SHANK1: variants seen among roughly 807,000 people sequenced by gnomAD.
SHANK1 encodes SH3 and multiple ankyrin repeat domains protein 1.
In SHANK1, 35 loss-of-function variants were observed where a neutral mutation model predicts 165.6. The observed-to-expected ratio is 0.21, with a 90% confidence interval of 0.16 to 0.28. The LOEUF is 0.28. Ranked by LOEUF, SHANK1 falls within the 10% of genes least tolerant of loss-of-function variation. SHANK1 has a pLI of 1.00. For missense variants in SHANK1, 2,681 were observed against 3,036.4 expected (o/e 0.88, Z 2.75); for synonymous variants, 1,428 against 1,384.8 (o/e 1.03, Z -0.69).
chr19:50,698,571 TA>T (rs1390139676), intron 12 of SHANK1, among the ~76,000 whole-genome samples: 1 of 151,808 alleles, frequency 6.6e-6, no homozygotes, highest in Non-Finnish European at 1.5e-5. Flanking sequence ...GACTGCCTGT[TA>T]CATGCCTGCT....
At chr19:50,704,597 A>C in intron 8 of SHANK1, 83 bp from the exon 9 acceptor site, 1 of 1,250,812 alleles carries the variant, frequency 8.0e-7, no homozygotes, top group South Asian at 1.2e-5. Context: ...TTCTGTGCTA[A>C]GAGCCTCAGG....
rs760814633 is a variant in SHANK1, at chr19:50,704,528, C to T, written c.1078-14G>A. ...GGCACAGGTCTCCTGCGGGTAATGG[C>T]CAGTGGCACAGGACAAAGAGAGAGA... On this transcript the variant is annotated splice_polypyrimidine_tract_variant and intron_variant, in intron 8 of 23. Transcript: ENST00000293441. 6.2e-7 allele frequency: 1 copy of T among 1,611,264 alleles called. No individual in the cohort carries two copies.
At position 50,702,154 on chromosome 19, in the gene SHANK1, C is replaced by T. The variant is rs1396870896; in HGVS notation, c.1747+313G>A. Among the ~76,000 whole-genome samples, 1 of 110,004 alleles carries T rather than the reference C, an allele frequency of 9.1e-6. No homozygotes were observed. Among genetic ancestry groups the T allele is most frequent in the Non-Finnish European group, 1.9e-5 (1 of 52,276 alleles). 72.2% of individuals were successfully genotyped at this position (110,004 alleles called of 152,430 possible). ...CTGTTCCTTCAACCATGCAATGGGG[C>T]CCATGACCTCCCTCCCCAGAAAGGG... is the stretch of plus-strand genomic sequence containing the variant. On this transcript the variant is annotated intron_variant, in intron 12 of 23. Coordinates refer to ENST00000293441, the MANE Select transcript of SHANK1 (RefSeq NM_016148.5). This position sits in a 1 kb window ranked among gnomAD's most constrained non-coding sequence, Gnocchi z 5.3.
chr19:50,668,455 C>T lies in SHANK1; in HGVS notation c.3505G>A (p.Gly1169Ser), dbSNP rs761991329. 3 of 1,334,306 alleles carry T rather than the reference C, an allele frequency of 2.2e-6. No individual in the cohort carries two copies. The highest frequency in any genetic ancestry group is 6.2e-5 in the Admixed American group (2 of 32,392). The allele number at this position is 1,334,306 out of a possible 1,614,324, so 82.7% of individuals were successfully genotyped here. A position where few individuals can be genotyped will look rare whatever the true frequency, so the allele number is the denominator to read the frequency against. ...IIKAPSTSSS[G>S]RSSQGSSTEA... ...GTGCTGCTGCCCTGGCTGCTGCGGC[C>T]GCTGCTACTGGTGGACGGGGCCTTG... Residue 1169 changes from glycine (G) to serine (S), a missense_variant, in exon 23 of 24, where the codon GGC (glycine) becomes AGC (serine). Coordinates refer to ENST00000293441, the MANE Select transcript of SHANK1 (RefSeq NM_016148.5).
intron 23 of SHANK1, among the ~76,000 whole-genome samples, chr19:50,664,313 C>CT (rs1985395413): frequency 6.6e-6 from 1 of 152,152 alleles, no homozygotes; most frequent in South Asian, 2.1e-4. Context: ...AGAAATGTAA[C>CT]TCTACTTTCT....
rs776499532 is a variant in SHANK1 at position 50,686,148 on chromosome 19, G to A, written c.2577+89C>T. 1.2e-4 allele frequency: 88 copies of A among 711,654 alleles called. No individual in the cohort carries two copies. The highest frequency in any genetic ancestry group is 1.1e-3 in the Middle Eastern group (3 of 2,714). 44.1% of individuals were successfully genotyped at this position (711,654 alleles called of 1,614,324 possible). A position where few individuals can be genotyped will look rare whatever the true frequency, so the allele number is the denominator to read the frequency against. On this transcript the variant is annotated intron_variant, in intron 21 of 23. Transcript: ENST00000293441. The surrounding 1 kb of genome is among the most constrained non-coding windows in gnomAD (Gnocchi z 5.7). ...CAGGACCAGCCTAAAGCACAGAGGC[G>A]TCAGGAGGGTTTTGGAAAGAGAAAG...
rs770977270 is a variant in SHANK1, at chr19:50,662,707, G to A, written c.5769-25C>T. 1.4e-5 allele frequency: 21 copies of A among 1,555,236 alleles called. No homozygotes were observed. The highest frequency in any genetic ancestry group is 1.8e-5 in the Non-Finnish European group (21 of 1,149,242). On this transcript the variant is annotated intron_variant, in intron 23 of 23. Transcript: ENST00000293441. This position sits in a 1 kb window ranked among gnomAD's most constrained non-coding sequence, Gnocchi z 7.7. ...TCTGGAATGTGACAAGGGGGCAGTGGGGGAGGACAGGGATTTAGGGGGCAA... is the reference window on the plus strand; with the variant it reads ...TCTGGAATGTGACAAGGGGGCAGTGAGGGAGGACAGGGATTTAGGGGGCAA...
intron 12 of SHANK1, among the ~76,000 whole-genome samples, chr19:50,699,938 G>A (rs1375738599): frequency 7.3e-6 from 1 of 137,398 alleles, no homozygotes; most frequent in Admixed American, 7.2e-5. Context: ...AGGATTGGAG[G>A]GCTCGGGGCA....
At position 50,670,977 on chromosome 19, in the gene SHANK1, AG is replaced by A. The variant is rs1198001410; in HGVS notation, c.2674+1040del. 2.0e-5 allele frequency among the ~76,000 whole-genome samples: 3 copies of A among 151,166 alleles called. No individual in the cohort carries two copies. Among genetic ancestry groups the A allele is most frequent in the African/African-American group, 7.3e-5 (3 of 41,130 alleles). ...CTTGGCTAATTTTTGTATTTTTAGT[AG>A]AAATGGGGTTTCATCATGTTGGTCA... On this transcript the variant is annotated intron_variant, in intron 22 of 23. Transcript: ENST00000293441. The surrounding 1 kb of genome is among the most constrained non-coding windows in gnomAD (Gnocchi z 4.1).
Position 50,667,597 on chromosome 19 carries a change from C to T in SHANK1, c.4363G>A (p.Val1455Met), listed in dbSNP as rs773153563. 1.6e-5 allele frequency: 23 copies of T among 1,435,766 alleles called. No homozygotes were observed. Among genetic ancestry groups the T allele is most frequent in the Admixed American group, 1.5e-4 (5 of 34,430 alleles). The allele number at this position is 1,435,766 out of a possible 1,614,324, so 88.9% of individuals were successfully genotyped here. A position where few individuals can be genotyped will look rare whatever the true frequency, so the allele number is the denominator to read the frequency against. Residue 1455 changes from valine (V) to methionine (M), a missense_variant, in exon 23 of 24, where the codon GTG (valine) becomes ATG (methionine). Coordinates refer to ENST00000293441, the MANE Select transcript of SHANK1 (RefSeq NM_016148.5). The surrounding 1 kb of genome is among the most constrained non-coding windows in gnomAD (Gnocchi z 5.7). ...LHRLPPTAPG[V>M]GPLLLQLGTE... ...CCCAGCTGCAGCAGGAGGGGCCCCA[C>T]CCCGGGAGCGGTGGGCGGCAGGCGG...
At position 50,697,719 on chromosome 19, in the gene SHANK1, G is replaced by T; in HGVS notation, c.1862-55C>A. Reference sequence around the variant, plus strand: ...TCTTGTTTTGGAAACCACAATCCCAGCCCTAGAGCTCCTGGCCCAAGTCTT... The same window carrying T: ...TCTTGTTTTGGAAACCACAATCCCATCCCTAGAGCTCCTGGCCCAAGTCTT... On this transcript the variant is annotated intron_variant, in intron 13 of 23. Transcript: ENST00000293441. This position sits in a 1 kb window ranked among gnomAD's most constrained non-coding sequence, Gnocchi z 4.7. The T allele has an allele frequency of 2.5e-6, 4 of 1,576,520 alleles. No homozygotes were observed. The highest frequency in any genetic ancestry group is 3.5e-6 in the Non-Finnish European group (4 of 1,146,366).
intron 23 of SHANK1, chr19:50,663,240 G>C (rs569151056): frequency 6.3e-6 from 1 of 158,122 alleles, no homozygotes; most frequent in African/African-American, 2.4e-5. Flanking sequence ...GACAAAAAGA[G>C]GGTGAGCATC....
chr19:50,662,770 GGA>G lies in SHANK1; in HGVS notation c.5769-90_5769-89del. ...GAAAGAGGCAGAGGTCAAGATATAG[GGA>G]GAGAGGAGGAGAGACATAAGGGTAG... On this transcript the variant is annotated intron_variant, in intron 23 of 23. Coordinates refer to ENST00000293441, the MANE Select transcript of SHANK1 (RefSeq NM_016148.5). This position sits in a 1 kb window ranked among gnomAD's most constrained non-coding sequence, Gnocchi z 7.7. 2 of 1,365,584 alleles carry G rather than the reference GGA, an allele frequency of 1.5e-6. No individual in the cohort carries two copies. Among genetic ancestry groups the G allele is most frequent in the South Asian group, 2.6e-5 (2 of 77,414 alleles). The allele number at this position is 1,365,584 out of a possible 1,614,324, so 84.6% of individuals were successfully genotyped here.
chr19:50,689,297 GAAAT>G lies in SHANK1; in HGVS notation c.1965-22_1965-19del. On this transcript the variant is annotated intron_variant, in intron 15 of 23. Transcript: ENST00000293441. ...TGTAATCGCTGGCAGGGAGGCAGGA[GAAAT>G]GGGGGGGTGGTGGGGGGAGTGGAGA... 1 of 1,361,042 alleles carries G rather than the reference GAAAT, an allele frequency of 7.3e-7. No individual in the cohort carries two copies. The highest frequency in any genetic ancestry group is 1.1e-6 in the Non-Finnish European group (1 of 950,834). The allele number at this position is 1,361,042 out of a possible 1,614,324, so 84.3% of individuals were successfully genotyped here.
chr19:50,666,878 G>A lies in SHANK1; in HGVS notation c.5082C>T (p.Ala1694=). ...CGGCAGATAGGCTGCTCAGCGTGGA[G>A]GCGCTGCTGATGGTCTCCAGTGGGT... The part of the protein sequence containing the change: ...SDHPLETISS[A]STLSSLSAEG... Residue 1694 remains alanine (A), a synonymous_variant, in exon 23 of 24, where the codon GCC becomes GCT. Transcript: ENST00000293441. 1 of 1,582,774 alleles carries A rather than the reference G, an allele frequency of 6.3e-7. No individual in the cohort carries two copies. The highest frequency in any genetic ancestry group is 8.6e-7 in the Non-Finnish European group (1 of 1,166,208).
Position 50,660,299 on chromosome 19 carries a change from A to G in SHANK1, c.*1666T>C, listed in dbSNP as rs1375960290. Among the ~76,000 whole-genome samples the G allele has an allele frequency of 6.6e-6, 1 of 151,986 alleles. No homozygotes were observed. The highest frequency in any genetic ancestry group is 1.5e-5 in the Non-Finnish European group (1 of 67,984). On this transcript the variant is annotated 3_prime_UTR_variant, in exon 24 of 24. Transcript: ENST00000293441. ...CTTCTTGGAGTGGACAGGTTAGGAG[A>G]GGGCAATCTTCGTGCAAAAGGGATG...
At chr19:50,707,646 C>T (rs1003344549) in intron 8 of SHANK1, among the ~76,000 whole-genome samples, 14 of 150,720 alleles carry the variant, frequency 9.3e-5, no homozygotes, top group African/African-American at 3.4e-4. Context: ...CTGCAGCCTC[C>T]ACCTTTTGGG....
At position 50,680,592 on chromosome 19, in the gene SHANK1, T is replaced by C. The variant is rs984249424; in HGVS notation, c.2577+5645A>G. 4.6e-5 allele frequency among the ~76,000 whole-genome samples: 7 copies of C among 151,958 alleles called. No homozygotes were observed. The East Asian group carries it at 9.7e-4, about 21-fold the overall frequency. ...CTGTCCCTACCTCCTCTAGGTTATA[T>C]GCAAAAGTGCATCTTTGGAGAGGGT... On this transcript the variant is annotated intron_variant, in intron 21 of 23. Coordinates refer to ENST00000293441, the MANE Select transcript of SHANK1 (RefSeq NM_016148.5).
intron 23 of SHANK1, among the ~76,000 whole-genome samples, chr19:50,664,897 G>A (rs977120604): frequency 5.9e-5 from 9 of 152,124 alleles, no homozygotes; most frequent in African/African-American, 2.2e-4. Context: ...TAGGACTACA[G>A]GTGCCCACCA....
Sources: allele counts gnomAD v4.1 joint callset (sites outside exome capture counted in the v4.1 genomes callset), GRCh38; gene constraint gnomAD v4.1.1; non-coding constraint Gnocchi (gnomAD v3.1); transcripts MANE v1.5; gene names NCBI Gene and HGNC (gene_info 2026-07-23, HGNC 2026-07-21).